The following ARFGEF2 variants were observed in gnomAD, a reference collection of about 807,000 sequenced individuals.
ARFGEF2 encodes ARF guanine nucleotide exchange factor 2.
Under a neutral mutation model 219.9 loss-of-function variants are expected in ARFGEF2, and 74 were observed. The ratio of observed to expected loss-of-function variants is 0.34; its 90% CI spans 0.28 to 0.41. ARFGEF2 has a LOEUF of 0.41. Ranked by LOEUF, ARFGEF2 falls within the 10% of genes least tolerant of loss-of-function variation. The pLI is 1.00. For synonymous variants in ARFGEF2, 733 were observed against 799.2 expected, an observed-to-expected ratio of 0.92 and a Z score of 1.40; for missense variants, 1,743 against 2,218.3, an observed-to-expected ratio of 0.79 and a Z score of 4.30.
intron 20 of ARFGEF2, 131 bp from the exon 21 acceptor site, chr20:48,990,909 C>A: frequency 1.0e-6 from 1 of 996,844 alleles, no homozygotes; most frequent in Non-Finnish European, 1.6e-6. Flanking sequence ...AACTGTTGTG[C>A]TAATGTGCAG....
At chr20:48,942,686 A>C (rs753461577) in intron 3 of ARFGEF2, among the ~76,000 whole-genome samples, 1 of 151,714 alleles carries the variant, frequency 6.6e-6, no homozygotes, top group Non-Finnish European at 1.5e-5. Context: ...GGGTTTCACT[A>C]TTTTGGTCAA....
chr20:48,930,643 A>G (rs989652168), intron 1 of ARFGEF2, among the ~76,000 whole-genome samples: 2 of 152,110 alleles, frequency 1.3e-5, no homozygotes, highest in Non-Finnish European at 2.9e-5. Flanking sequence ...AGTTGATCTG[A>G]GTTGGGACTT....
chr20:49,020,795 C>A (rs1210114846), intron 34 of ARFGEF2, among the ~76,000 whole-genome samples: 2 of 151,978 alleles, frequency 1.3e-5, no homozygotes, highest in African/African-American at 4.8e-5. Flanking sequence ...TGTGTGGAGG[C>A]CAAGTATACA....
chr20:48,998,633 G>A (rs2091406320), intron 25 of ARFGEF2, 128 bp downstream of exon 25: 1 of 905,566 alleles, frequency 1.1e-6, no homozygotes, highest in African/African-American at 1.7e-5. Context: ...TCCCTGTGCA[G>A]TCAAGGACAG....
chr20:48,923,310 C>T (rs966544598), intron 1 of ARFGEF2, among the ~76,000 whole-genome samples: 2 of 152,184 alleles, frequency 1.3e-5, no homozygotes, highest in Non-Finnish European at 2.9e-5. Flanking sequence ...TTGTTATCAC[C>T]TTTCTCCTTT....
intron 36 of ARFGEF2, among the ~76,000 whole-genome samples, chr20:49,027,989 C>T (rs190004429): frequency 5.1e-4 from 78 of 152,032 alleles, no homozygotes; most frequent in Middle Eastern, 3.4e-3. Context: ...TAGCTGGGTG[C>T]GGTGGCTCCC....
At chr20:49,032,448 A>G (rs1203803757) in intron 38 of ARFGEF2, among the ~76,000 whole-genome samples, 2 of 152,132 alleles carry the variant, frequency 1.3e-5, no homozygotes, top group Non-Finnish European at 2.9e-5. Flanking sequence ...GCAGGAAGAG[A>G]GGGTTAAGAT....
chr20:48,935,338 A>T (rs1173497739), intron 1 of ARFGEF2, among the ~76,000 whole-genome samples: 1 of 152,174 alleles, frequency 6.6e-6, no homozygotes, highest in Non-Finnish European at 1.5e-5. Context: ...AACAAAGCAC[A>T]TCTTGCACCG....
rs1402132605 is a variant in ARFGEF2, at chr20:48,973,285, G to A, written c.1665+1G>A. The A allele has an allele frequency of 6.2e-7, 1 of 1,614,054 alleles. No homozygotes were observed. Among genetic ancestry groups the A allele is most frequent in the South Asian group, 1.1e-5 (1 of 91,076 alleles). On this transcript the variant is annotated splice_donor_variant, in intron 12 of 38. Coordinates refer to ENST00000371917, the MANE Select transcript of ARFGEF2 (RefSeq NM_006420.3). LOFTEE classifies it high-confidence loss of function. Reference sequence around the variant, plus strand: ...TGAGCTGGGAATGACACCTCTGCAGGTAAAAACACTGTGGACACTCAATTA... The same window carrying A: ...TGAGCTGGGAATGACACCTCTGCAGATAAAAACACTGTGGACACTCAATTA...
At chr20:49,012,166 T>C (rs1197028078) in intron 28 of ARFGEF2, 82 bp downstream of exon 28, 1 of 1,571,466 alleles carries the variant, frequency 6.4e-7, no homozygotes, top group Non-Finnish European at 8.7e-7. Context: ...AACAAAGAGC[T>C]TTCCAGCTAC....
rs538761840 is a variant in ARFGEF2, at chr20:48,978,294, A to C, written c.1958+2095A>C. Among the ~76,000 whole-genome samples the C allele has an allele frequency of 2.3e-4, 35 of 151,992 alleles. 1 individual carries two copies. The highest frequency in any genetic ancestry group is 2.2e-3 in the Admixed American group (34 of 15,254). ...TCAAAGATCAGATGGTTGTAGATGCATGGTATTTCTGAGGACTCTGTGCTG... is the reference window on the plus strand; with the variant it reads ...TCAAAGATCAGATGGTTGTAGATGCCTGGTATTTCTGAGGACTCTGTGCTG... On this transcript the variant is annotated intron_variant, in intron 14 of 38. Transcript: ENST00000371917.
chr20:48,950,807 AAAAAATATATATATATATATAT>A (rs1195104862), intron 3 of ARFGEF2, among the ~76,000 whole-genome samples: 4 of 44,820 alleles, frequency 8.9e-5, no homozygotes, highest in South Asian at 7.2e-4. Flanking sequence ...AAAAAAAAAA[AAAAAATATATATATATATATAT>A]ATATATATAT....
At position 48,938,980 on chromosome 20, in the gene ARFGEF2, G is replaced by GTT. The variant is rs1381256978; in HGVS notation, c.122-2206_122-2205dup. Among the ~76,000 whole-genome samples the GTT allele has an allele frequency of 3.7e-3, 489 of 133,516 alleles. 6 individuals are homozygous for GTT. The highest frequency in any genetic ancestry group is 0.013 in the African/African-American group (461 of 36,350). The allele number at this position is 133,516 out of a possible 152,430, so 87.6% of individuals were successfully genotyped here. A position where few individuals can be genotyped will look rare whatever the true frequency, so the allele number is the denominator to read the frequency against. On this transcript the variant is annotated intron_variant, in intron 1 of 38. Transcript: ENST00000371917. The stretch of plus-strand genomic sequence containing the variant: ...TTTGTTTTATGGGTTTTTTTTGTTT[G>GTT]TTTTTTTTTTTTTTGAGAAAGTCTC...
chr20:48,989,237 C>T lies in ARFGEF2; in HGVS notation c.2534-48C>T, dbSNP rs191399743. On this transcript the variant is annotated intron_variant, in intron 18 of 38. Transcript: ENST00000371917. ...TTTGAAACAGTGTATGGCATGTAGC[C>T]AGCCCTCAGTGACTGCTAGCCACAC... 417 of 1,606,704 alleles carry T rather than the reference C, an allele frequency of 2.6e-4. 1 individual carries two copies. The African/African-American group carries it at 5.1e-3, about 20-fold the overall frequency.
At chr20:48,940,686 G>C (rs1182705712) in intron 1 of ARFGEF2, among the ~76,000 whole-genome samples, 1 of 152,172 alleles carries the variant, frequency 6.6e-6, no homozygotes, top group East Asian at 1.9e-4. Context: ...CTGTGCCTTG[G>C]TTTCCTCATC....
At chr20:48,944,537 GTCAAGTGATTCTCCCCGGGC>G (rs951040216) in intron 3 of ARFGEF2, among the ~76,000 whole-genome samples, 1 of 152,140 alleles carries the variant, frequency 6.6e-6, no homozygotes, top group African/African-American at 2.4e-5. Flanking sequence ...TCACTGCAAA[GTCAAGTGATTCTCCCCGGGC>G]TCAAGTGATT....
intron 14 of ARFGEF2, among the ~76,000 whole-genome samples, chr20:48,979,522 A>G (rs548847647): frequency 5.1e-4 from 77 of 152,102 alleles, no homozygotes; most frequent in Non-Finnish European, 6.6e-4. Context: ...CTCTTTTTCT[A>G]TTGATTGGAA....
At chr20:49,030,709 A>G (rs1288912943) in intron 37 of ARFGEF2, among the ~76,000 whole-genome samples, 1 of 152,092 alleles carries the variant, frequency 6.6e-6, no homozygotes, top group Non-Finnish European at 1.5e-5. Flanking sequence ...TCTAAAGGAG[A>G]TATGTAGGGC....
At chr20:49,011,752 G>A (rs2091499765) in intron 27 of ARFGEF2, among the ~76,000 whole-genome samples, 172 bp from the exon 28 acceptor site, 1 of 152,218 alleles carries the variant, frequency 6.6e-6, no homozygotes. Flanking sequence ...TCATTCCTGA[G>A]TAATTTAATA....
Sources: allele counts gnomAD v4.1 joint callset (sites outside exome capture counted in the v4.1 genomes callset), GRCh38; gene constraint gnomAD v4.1.1; transcripts MANE v1.5; gene names NCBI Gene and HGNC (gene_info 2026-07-23, HGNC 2026-07-21).